Variants in B3GALT1 observed in about 807,000 individuals in gnomAD.
B3GALT1 encodes the protein beta-1,3-galactosyltransferase 1, also known as UDP-Gal:betaGlcNAc beta 1,3-galactosyltransferase, polypeptide 1.
Under a neutral mutation model 23.2 loss-of-function variants are expected in B3GALT1, and 10 were observed. The ratio of observed to expected loss-of-function variants is 0.43; its 90% CI spans 0.27 to 0.73. The LOEUF is 0.73. Ranked by LOEUF, B3GALT1 falls within the 30% of genes least tolerant of loss-of-function variation. B3GALT1 has a pLI of 0.21. For missense variants in B3GALT1, 299 were observed against 405.4 expected, an observed-to-expected ratio of 0.74 and a Z score of 2.25; for synonymous variants, 156 against 141.5, an observed-to-expected ratio of 1.10 and a Z score of -0.73.
At chr2:167,509,348 G>A (rs913512718) in intron 2 of B3GALT1, among the ~76,000 whole-genome samples, 1 of 152,082 alleles carries the variant, frequency 6.6e-6, no homozygotes, top group Non-Finnish European at 1.5e-5. Context: ...GTAGAATCTG[G>A]AAACAACAAA....
intron 1 of B3GALT1, among the ~76,000 whole-genome samples, chr2:167,336,063 A>G (rs1697053814): frequency 6.6e-6 from 1 of 152,136 alleles, no homozygotes; most frequent in Non-Finnish European, 1.5e-5. Context: ...CTTTATCTCA[A>G]TTATGGTTGT....
intron 3 of B3GALT1, among the ~76,000 whole-genome samples, chr2:167,739,930 AAAAACAAAC>A (rs1310254823): frequency 1.9e-5 from 2 of 103,898 alleles, no homozygotes; most frequent in East Asian, 4.2e-4. Context: ...GTCTCTACAA[AAAAACAAAC>A]AAAAAAAAAA....
intron 4 of B3GALT1, among the ~76,000 whole-genome samples, chr2:167,858,273 T>C (rs1369197326): frequency 6.6e-6 from 1 of 151,530 alleles, no homozygotes; most frequent in Non-Finnish European, 1.5e-5. Flanking sequence ...TCAAGTAAAA[T>C]TGAAAGCTTC....
chr2:167,630,289 G>T (rs567519027), intron 2 of B3GALT1, among the ~76,000 whole-genome samples: 4 of 151,882 alleles, frequency 2.6e-5, no homozygotes, highest in Non-Finnish European at 5.9e-5. Context: ...ACCAAACAGG[G>T]TTGATCTCTT....
chr2:167,492,154 A>G (rs1699717891), intron 2 of B3GALT1, among the ~76,000 whole-genome samples: 2 of 152,168 alleles, frequency 1.3e-5, no homozygotes, highest in Admixed American at 1.3e-4. Flanking sequence ...CCCTCCACTG[A>G]AACCTGGCAA....
At chr2:167,576,010 T>A (rs1684374847) in intron 2 of B3GALT1, among the ~76,000 whole-genome samples, 1 of 151,722 alleles carries the variant, frequency 6.6e-6, no homozygotes, top group African/African-American at 2.4e-5. Context: ...AACCCATAAA[T>A]AAAAATCCAT....
At position 167,293,133 on chromosome 2, in the gene B3GALT1, C is replaced by A. The variant is rs895668292; in HGVS notation, c.-712C>A. 6.6e-6 allele frequency: 1 copy of A among 151,290 alleles called. No individual in the cohort carries two copies. The highest frequency in any genetic ancestry group is 1.5e-5 in the Non-Finnish European group (1 of 67,768). 9.4% of individuals were successfully genotyped at this position (151,290 alleles called of 1,614,324 possible). ...GCTGCTGCCCACCCCGCCGCGCCGC[C>A]GGCGCTGCCGGTCTTGCAGGCGGCC... On this transcript the variant is annotated 5_prime_UTR_variant, in exon 1 of 5. Coordinates refer to ENST00000392690, the MANE Select transcript of B3GALT1 (RefSeq NM_020981.4).
At chr2:167,607,006 C>G (rs970946900) in intron 2 of B3GALT1, among the ~76,000 whole-genome samples, 3 of 152,052 alleles carry the variant, frequency 2.0e-5, no homozygotes, top group Non-Finnish European at 2.9e-5. Flanking sequence ...TACAAAAGAT[C>G]CTGCAGGTTA....
intron 3 of B3GALT1, among the ~76,000 whole-genome samples, chr2:167,726,420 C>G (rs925267313): frequency 2.0e-5 from 3 of 152,158 alleles, no homozygotes; most frequent in African/African-American, 7.2e-5. Flanking sequence ...CAGAGACTGA[C>G]TTAAAGAGTA....
At chr2:167,758,046 A>G (rs1687844235) in intron 3 of B3GALT1, among the ~76,000 whole-genome samples, 2 of 152,352 alleles carry the variant, frequency 1.3e-5, no homozygotes, top group South Asian at 4.1e-4. Flanking sequence ...ACTGCAGGCA[A>G]TTACTGAAAT....
chr2:167,659,490 C>T (rs1301453884), intron 3 of B3GALT1, among the ~76,000 whole-genome samples: 1 of 152,032 alleles, frequency 6.6e-6, no homozygotes, highest in Non-Finnish European at 1.5e-5. Flanking sequence ...ATTTCACCAA[C>T]ACTGTCTAGA....
At chr2:167,433,925 CATAA>C (rs1196450918) in intron 1 of B3GALT1, among the ~76,000 whole-genome samples, 5 of 151,720 alleles carry the variant, frequency 3.3e-5, no homozygotes, top group Non-Finnish European at 7.4e-5. Flanking sequence ...AAGATTCTAT[CATAA>C]ATAAATAAAA....
In B3GALT1 at chr2:167,544,732, C is replaced by T. The variant is rs575181211; in HGVS notation, c.-410+54455C>T. On this transcript the variant is annotated intron_variant, in intron 2 of 4. Transcript: ENST00000392690. ...CAGCCTTCTAGATTGCCAACTCCGC[C>T]GACGTTGTCTGACACCAACCTGCAG... 9.2e-5 allele frequency among the ~76,000 whole-genome samples: 14 copies of T among 152,232 alleles called. 1 individual carries two copies. The South Asian group carries it at 2.9e-3, about 32-fold the overall frequency.
intron 3 of B3GALT1, among the ~76,000 whole-genome samples, chr2:167,703,550 T>G (rs2105511686): frequency 6.6e-6 from 1 of 152,334 alleles, no homozygotes; most frequent in East Asian, 1.9e-4. Flanking sequence ...CTTTTGCTGT[T>G]AGAATAGATG....
chr2:167,739,968 G>A (rs1322348815), intron 3 of B3GALT1, among the ~76,000 whole-genome samples: 3 of 150,856 alleles, frequency 2.0e-5, no homozygotes, highest in Non-Finnish European at 3.0e-5. Context: ...GCGTGGTGGT[G>A]CATGCCTGTA....
intron 1 of B3GALT1, among the ~76,000 whole-genome samples, chr2:167,379,310 T>C (rs1697809218): frequency 6.6e-6 from 1 of 152,096 alleles, no homozygotes; most frequent in Admixed American, 6.5e-5. Flanking sequence ...TCCCTTGACA[T>C]GTGGGGATTA....
Position 167,387,012 on chromosome 2 carries a change from CATCAT to C in B3GALT1, c.-511+93694_-511+93698del, listed in dbSNP as rs143849741. Among the ~76,000 whole-genome samples, 181 of 151,232 alleles carry C rather than the reference CATCAT, an allele frequency of 1.2e-3. 1 individual carries two copies. In the East Asian group the frequency reaches 0.018, roughly 15 times the overall value. ...AGATTTCAATACTGGTAGGTAGTCT[CATCAT>C]ATCATATCATATCATTTCATGGGTA... On this transcript the variant is annotated intron_variant, in intron 1 of 4. Coordinates refer to ENST00000392690, the MANE Select transcript of B3GALT1 (RefSeq NM_020981.4).
intron 3 of B3GALT1, among the ~76,000 whole-genome samples, chr2:167,718,298 C>T (rs1416508710): frequency 1.3e-5 from 2 of 151,050 alleles, no homozygotes; most frequent in African/African-American, 4.9e-5. Flanking sequence ...AAAAAAAAAT[C>T]CCCAATTTCA....
chr2:167,306,805 C>T (rs1048509964), intron 1 of B3GALT1, among the ~76,000 whole-genome samples: 7 of 152,086 alleles, frequency 4.6e-5, no homozygotes, highest in African/African-American at 1.7e-4. Flanking sequence ...TTCCTGACTT[C>T]TCAAATTAAT....
Sources: allele counts gnomAD v4.1 joint callset (sites outside exome capture counted in the v4.1 genomes callset), GRCh38; gene constraint gnomAD v4.1.1; transcripts MANE v1.5; gene names NCBI Gene and HGNC (gene_info 2026-07-23, HGNC 2026-07-21).